UNC13A: variants seen among roughly 807,000 people sequenced by gnomAD.
The protein encoded by UNC13A is protein unc-13 homolog A.
UNC13A carries 61 observed loss-of-function variants against 219.7 expected under a neutral mutation model. The ratio of observed to expected loss-of-function variants is 0.28; its 90% CI spans 0.23 to 0.34. The LOEUF (loss-of-function observed/expected upper bound fraction) is 0.34, where lower values mean the gene tolerates loss of function less well. Ranked by LOEUF, UNC13A falls within the 10% of genes least tolerant of loss-of-function variation. The pLI is 1.00. For missense variants in UNC13A, 1,476 were observed against 2,270.3 expected, an observed-to-expected ratio of 0.65 and a Z score of 7.11; for synonymous variants, 920 against 884.6, an observed-to-expected ratio of 1.04 and a Z score of -0.71.
chr19:17,678,950 TAGAG>T (rs1004579102), intron 1 of UNC13A, among the ~76,000 whole-genome samples: 4 of 151,076 alleles, frequency 2.6e-5, no homozygotes, highest in Non-Finnish European at 3.0e-5. Context: ...TGGAGAGAAA[TAGAG>T]AGACACAAGG....
At chr19:17,644,526 T>C (rs1185690159) in intron 19 of UNC13A, among the ~76,000 whole-genome samples, 4 of 31,298 alleles carry the variant, frequency 1.3e-4, no homozygotes, top group Non-Finnish European at 2.7e-4. Flanking sequence ...TTCTTTTGTT[T>C]TTTTTTTTTT....
At chr19:17,640,427 C>T in intron 22 of UNC13A, 84 bp downstream of exon 22, 1 of 1,468,380 alleles carries the variant, frequency 6.8e-7, no homozygotes, top group South Asian at 1.4e-5. Flanking sequence ...CAGGTCTAGA[C>T]TGGGGACCCA....
rs2145884887 is a variant in UNC13A, at chr19:17,663,442, C to G, written c.559+90G>C. On this transcript the variant is annotated intron_variant, in intron 8 of 43. Transcript: ENST00000519716. ...GTGCTCGTCACAGGCTCCTTGCTTC[C>G]CTGTGTGGTAGTGGGGAGGGGCCTT... 2.1e-6 allele frequency: 3 copies of G among 1,462,742 alleles called. No individual in the cohort carries two copies. The South Asian group carries it at 3.6e-5, about 17-fold the overall frequency. 90.6% of individuals were successfully genotyped at this position (1,462,742 alleles called of 1,614,324 possible).
intron 7 of UNC13A, among the ~76,000 whole-genome samples, chr19:17,663,952 T>C (rs2079597333): frequency 6.6e-6 from 1 of 150,684 alleles, no homozygotes; most frequent in South Asian, 2.1e-4. Flanking sequence ...CACACCACCA[T>C]GTTCAGCTAA....
intron 1 of UNC13A, among the ~76,000 whole-genome samples, chr19:17,679,468 G>A (rs978350353): frequency 6.6e-6 from 1 of 151,504 alleles, no homozygotes; most frequent in Non-Finnish European, 1.5e-5. Flanking sequence ...GGGAGGGCAG[G>A]CAGGTGGAGG....
chr19:17,647,326 C>A lies in UNC13A; in HGVS notation c.1983G>T (p.Lys661Asn). The change falls in exon 17 of 44, where the codon AAG becomes AAT. Residue 661 changes from lysine to asparagine, a missense_variant. By Grantham distance (94) the Lys-to-Asn change is moderately conservative. Coordinates refer to ENST00000519716, the MANE Select transcript of UNC13A (RefSeq NM_001080421.3). ...VTKTAHTQQM[K>N]AVKQSVLDGT... Reference sequence around the variant, plus strand: ...CGTCCAGCACGCTCTGCTTGACCGCCTTCATCTGCTGCGTGTGCGCCGTCT... The same window carrying A: ...CGTCCAGCACGCTCTGCTTGACCGCATTCATCTGCTGCGTGTGCGCCGTCT... The A allele has an allele frequency of 6.2e-7, 1 of 1,611,614 alleles. No homozygotes were observed. The highest frequency in any genetic ancestry group is 2.2e-5 in the East Asian group (1 of 44,806).
intron 1 of UNC13A, 114 bp downstream of exon 1, chr19:17,688,064 C>A: frequency 7.4e-7 from 1 of 1,356,414 alleles, no homozygotes; most frequent in Non-Finnish European, 9.8e-7. Flanking sequence ...CTCAAAAGTC[C>A]AGCCACCTGG....
At chr19:17,685,115 T>C (rs1205695627) in intron 1 of UNC13A, among the ~76,000 whole-genome samples, 3 of 152,208 alleles carry the variant, frequency 2.0e-5, no homozygotes, top group East Asian at 1.9e-4. Context: ...CATGTGCTTA[T>C]ATGAATATAT....
chr19:17,616,340 C>CAGGA (rs2076662470), intron 41 of UNC13A: 1 of 671,426 alleles, frequency 1.5e-6, no homozygotes, highest in Non-Finnish European at 2.7e-6. Flanking sequence ...TTTTACTAGC[C>CAGGA]GGGGCCAGGA....
In UNC13A at chr19:17,606,361, G is replaced by A. The variant is rs2144900674; in HGVS notation, c.4812-7C>T. 1 of 1,541,194 alleles carries A rather than the reference G, an allele frequency of 6.5e-7. No homozygotes were observed. The highest frequency in any genetic ancestry group is 1.2e-5 in the South Asian group (1 of 83,986). On this transcript the variant is annotated splice_region_variant and splice_polypyrimidine_tract_variant and intron_variant, in intron 43 of 43. Coordinates refer to ENST00000519716, the MANE Select transcript of UNC13A (RefSeq NM_001080421.3). ...CGCGTCGGCGCTCAGCGTGCTGCGT[G>A]GGGAGGGGCGGAACGTGAGACAGGC...
At position 17,641,294 on chromosome 19, in the gene UNC13A, C is replaced by G. The variant is rs2076966587; in HGVS notation, c.2636+99G>C. The G allele has an allele frequency of 2.0e-6, 3 of 1,493,924 alleles. No homozygotes were observed. In the Admixed American group the frequency reaches 5.6e-5, roughly 28 times the overall value. The allele number at this position is 1,493,924 out of a possible 1,614,324, so 92.5% of individuals were successfully genotyped here. A position where few individuals can be genotyped will look rare whatever the true frequency, so the allele number is the denominator to read the frequency against. On this transcript the variant is annotated intron_variant, in intron 21 of 43. Coordinates refer to ENST00000519716, the MANE Select transcript of UNC13A (RefSeq NM_001080421.3). ...CCCACCACCACCACGCCCACTTCCTCTCTGGGTCTTCCCCCTGAGAATCCC... is the reference window on the plus strand; with the variant it reads ...CCCACCACCACCACGCCCACTTCCTGTCTGGGTCTTCCCCCTGAGAATCCC...
chr19:17,611,626 G>A, intron 42 of UNC13A, 137 bp downstream of exon 42: 1 of 691,576 alleles, frequency 1.4e-6, no homozygotes, highest in Non-Finnish European at 2.5e-6. Context: ...AGCCATGCCT[G>A]AAGGTGGCCA....
chr19:17,641,869 C>T (rs1189660537), intron 20 of UNC13A, among the ~76,000 whole-genome samples: 2 of 151,984 alleles, frequency 1.3e-5, no homozygotes, highest in African/African-American at 4.8e-5. Context: ...ATCCACCCAT[C>T]AATTTATCCA....
chr19:17,621,578 G>C (rs1008405242), intron 37 of UNC13A, among the ~76,000 whole-genome samples: 17 of 152,218 alleles, frequency 1.1e-4, no homozygotes, highest in Admixed American at 9.8e-4. Context: ...TGAGCCCTGT[G>C]GGTATTGCTG....
At chr19:17,655,160 T>G (rs1599383897) in intron 11 of UNC13A, 114 bp downstream of exon 11, 1 of 828,506 alleles carries the variant, frequency 1.2e-6, no homozygotes, top group Non-Finnish European at 2.0e-6. Context: ...TGGGTACGGG[T>G]GGGGTGTTGG....
intron 12 of UNC13A, among the ~76,000 whole-genome samples, chr19:17,652,379 G>A (rs756629307): frequency 7.9e-5 from 12 of 152,050 alleles, no homozygotes; most frequent in Admixed American, 5.2e-4. Flanking sequence ...TGATCCTCCC[G>A]CCTCGGCCTC....
chr19:17,647,604 CT>C lies in UNC13A; in HGVS notation c.1817-113del, dbSNP rs1261705150. The C allele has an allele frequency of 1.5e-5, 15 of 1,025,060 alleles. No individual in the cohort carries two copies. The Admixed American group carries it at 1.9e-4, about 13-fold the overall frequency. 63.5% of individuals were successfully genotyped at this position (1,025,060 alleles called of 1,614,324 possible). On this transcript the variant is annotated intron_variant, in intron 16 of 43. Transcript: ENST00000519716. ...ACCGGGGGGACTCAGGTGTCACCCC[CT>C]GAAGCCGGTTTCCTACCTGCTTTCT...
chr19:17,681,238 C>T (rs1192556883), intron 1 of UNC13A, among the ~76,000 whole-genome samples: 3 of 151,790 alleles, frequency 2.0e-5, no homozygotes, highest in East Asian at 3.9e-4. Flanking sequence ...TCTTGGGGCA[C>T]TGGCTCCCTG....
chr19:17,642,724 C>A, intron 20 of UNC13A, 121 bp downstream of exon 20: 1 of 787,188 alleles, frequency 1.3e-6, no homozygotes, highest in Non-Finnish European at 2.0e-6. Context: ...AAGGGAATGG[C>A]ATGGCGGGCA....
Sources: gnomAD v4.1 joint callset for allele counts (sites outside exome capture counted in the v4.1 genomes callset) on GRCh38, gnomAD v4.1.1 for gene constraint, MANE v1.5 for transcripts, NCBI Gene and HGNC (gene_info 2026-07-23, HGNC 2026-07-21) for gene names.